MYH15: variants seen among roughly 807,000 people sequenced by gnomAD.
MYH15 encodes the protein myosin-15.
In MYH15, 227 loss-of-function variants were observed where a neutral mutation model predicts 240.5. That is an observed-to-expected ratio of 0.94 (90% CI 0.85 to 1.05). The LOEUF (loss-of-function observed/expected upper bound fraction) is 1.05, where lower values mean the gene tolerates loss of function less well. Among genes scored for constraint, MYH15 ranks in the 50% least tolerant of loss-of-function variants. The probability of loss-of-function intolerance (pLI) is 0.00; values close to 1 mark genes in which losing one functional copy is unlikely to be tolerated. For synonymous variants in MYH15, 785 were observed against 796.7 expected, an observed-to-expected ratio of 0.99 and a Z score of 0.25; for missense variants, 2,217 against 2,247.5, an observed-to-expected ratio of 0.99 and a Z score of 0.27.
Position 108,454,112 on chromosome 3 carries a change from G to C in MYH15, c.2293C>G (p.Leu765Val). The change falls in exon 21 of 41, where the codon CTG becomes GTG. Residue 765 changes from leucine to valine, a missense_variant. Transcript: ENST00000693548. ...AGTCTCTCATCTCTTATTGCTTCCA[G>C]TTGGCCCAGAAACCCAGCTTTAAAA... ...VFFKAGFLGQ[L>V]EAIRDERLSK... is the part of the protein sequence containing the mutation. 6.2e-7 allele frequency: 1 copy of C among 1,611,034 alleles called. No individual in the cohort carries two copies. Among genetic ancestry groups the C allele is most frequent in the Non-Finnish European group, 8.5e-7 (1 of 1,177,914 alleles).
intron 22 of MYH15, among the ~76,000 whole-genome samples, chr3:108,443,456 A>G (rs2082900787): frequency 6.6e-6 from 1 of 152,204 alleles, no homozygotes; most frequent in South Asian, 2.1e-4. Context: ...TTCTTGTTTA[A>G]AAAGCAAGAT....
intron 25 of MYH15, 43 bp downstream of exon 25, chr3:108,437,510 TA>T: frequency 6.3e-7 from 1 of 1,587,012 alleles, no homozygotes; most frequent in South Asian, 1.2e-5. Flanking sequence ...TTCCTTCTAA[TA>T]TAAGGTCTCC....
At chr3:108,502,509 ATGT>A (rs1256752607) in intron 2 of MYH15, among the ~76,000 whole-genome samples, 16 of 152,086 alleles carry the variant, frequency 1.1e-4, no homozygotes, top group Admixed American at 2.6e-4. Flanking sequence ...TTCATTTTTG[ATGT>A]TGTTGTCATA....
At chr3:108,385,777 A>G (rs2082378946) in intron 38 of MYH15, among the ~76,000 whole-genome samples, 1 of 146,060 alleles carries the variant, frequency 6.8e-6, no homozygotes, top group African/African-American at 2.5e-5. Flanking sequence ...CCCCCTACTT[A>G]CCTTCCATTC....
intron 36 of MYH15, 131 bp from the exon 37 acceptor site, chr3:108,392,061 A>C (rs2082426555): frequency 1.0e-6 from 1 of 986,562 alleles, no homozygotes. Flanking sequence ...TCTTCCCATT[A>C]TAATCTCCCT....
chr3:108,481,785 G>A (rs1227320470), intron 11 of MYH15, among the ~76,000 whole-genome samples: 7 of 152,096 alleles, frequency 4.6e-5, no homozygotes, highest in African/African-American at 9.7e-5. Flanking sequence ...ACATAATTGC[G>A]GTTTTTGCTG....
chr3:108,515,887 G>A (rs1167239151), intron 1 of MYH15, among the ~76,000 whole-genome samples: 1 of 152,202 alleles, frequency 6.6e-6, no homozygotes, highest in Non-Finnish European at 1.5e-5. Flanking sequence ...TACTAGCTGA[G>A]TAGATGGAGG....
At chr3:108,489,897 G>A (rs2083333944) in intron 9 of MYH15, among the ~76,000 whole-genome samples, 1 of 152,192 alleles carries the variant, frequency 6.6e-6, no homozygotes, top group Non-Finnish European at 1.5e-5. Flanking sequence ...CCAGATGTCA[G>A]ACTTTGCACA....
intron 14 of MYH15, among the ~76,000 whole-genome samples, chr3:108,465,926 CA>C (rs2107584196): frequency 7.0e-6 from 1 of 142,170 alleles, no homozygotes; most frequent in Non-Finnish European, 1.6e-5. Context: ...GACTCTGTCT[CA>C]AAAAACAAAA....
intron 28 of MYH15, among the ~76,000 whole-genome samples, chr3:108,419,342 A>T (rs962511789): frequency 6.6e-6 from 1 of 152,212 alleles, no homozygotes; most frequent in Non-Finnish European, 1.5e-5. Flanking sequence ...AGGTAAAGTT[A>T]AAAAAAGGAA....
intron 3 of MYH15, 127 bp from the exon 4 acceptor site, chr3:108,500,401 G>T: frequency 1.0e-6 from 1 of 972,864 alleles, no homozygotes; most frequent in Non-Finnish European, 1.5e-6. Flanking sequence ...GGAGCTTTTG[G>T]AATCATGTAG....
chr3:108,504,954 C>G (rs2083463618), intron 2 of MYH15, among the ~76,000 whole-genome samples: 2 of 152,198 alleles, frequency 1.3e-5, no homozygotes, highest in Non-Finnish European at 2.9e-5. Context: ...CCAAGACTTT[C>G]TCCAACTCTT....
At chr3:108,452,153 A>T (rs999617232) in intron 21 of MYH15, among the ~76,000 whole-genome samples, 2 of 152,144 alleles carry the variant, frequency 1.3e-5, no homozygotes, top group African/African-American at 4.8e-5. Context: ...GCTGGTGGAG[A>T]GTATGATATA....
At chr3:108,403,466 A>AT (rs1000601978) in intron 33 of MYH15, among the ~76,000 whole-genome samples, 7 of 144,630 alleles carry the variant, frequency 4.8e-5, no homozygotes, top group African/African-American at 1.8e-4. Context: ...TCCCTGGCTT[A>AT]TCGTTGATTG....
intron 25 of MYH15, among the ~76,000 whole-genome samples, chr3:108,436,799 C>T (rs1038940258): frequency 6.6e-6 from 1 of 152,102 alleles, no homozygotes. Context: ...GGAAACCTGA[C>T]CCATCTTACT....
At chr3:108,384,048 T>A (rs1421574268) in intron 39 of MYH15, among the ~76,000 whole-genome samples, 1 of 152,150 alleles carries the variant, frequency 6.6e-6, no homozygotes, top group Non-Finnish European at 1.5e-5. Flanking sequence ...GAGTTTAACA[T>A]CCTATTCTAC....
At chr3:108,461,896 A>C (rs1289470207) in intron 16 of MYH15, 5 of 152,160 alleles carry the variant, frequency 3.3e-5, no homozygotes, top group African/African-American at 1.2e-4. Context: ...GGGAGTTAAC[A>C]TGCAGCTGGG....
intron 25 of MYH15, among the ~76,000 whole-genome samples, chr3:108,432,980 G>A (rs1172163905): frequency 6.6e-6 from 1 of 152,182 alleles, no homozygotes; most frequent in Non-Finnish European, 1.5e-5. Context: ...AGTGTAAGAA[G>A]AGGGCCACTG....
At position 108,437,631 on chromosome 3, in the gene MYH15, C is replaced by G; in HGVS notation, c.3144G>C (p.Glu1048Asp). 6.2e-7 allele frequency: 1 copy of G among 1,614,096 alleles called. No individual in the cohort carries two copies. Among genetic ancestry groups the G allele is most frequent in the Non-Finnish European group, 8.5e-7 (1 of 1,179,996 alleles). Residue 1048 changes from glutamate (E) to aspartate (D), a missense_variant, in exon 25 of 41, where the codon GAG (glutamate) becomes GAC (aspartate). Coordinates refer to ENST00000693548, the MANE Select transcript of MYH15 (RefSeq NM_014981.3). Reference sequence around the variant, plus strand: ...TTTCCCGATTCAGCTTTAAATTGCCCTCCAGTTTGTGCAGTTCCCTTTCAC... The same window carrying G: ...TTTCCCGATTCAGCTTTAAATTGCCGTCCAGTTTGTGCAGTTCCCTTTCAC... The part of the protein sequence containing the change: ...MNCERELHKL[E>D]GNLKLNRESM...
Sources: gnomAD v4.1 joint callset for allele counts (sites outside exome capture counted in the v4.1 genomes callset) on GRCh38, gnomAD v4.1.1 for gene constraint, MANE v1.5 for transcripts, NCBI Gene and HGNC (gene_info 2026-07-23, HGNC 2026-07-21) for gene names.